The following KCNG3 variants were observed in gnomAD, a reference collection of about 807,000 sequenced individuals.
KCNG3 encodes the protein voltage-gated potassium channel regulatory subunit KCNG3.
Under a neutral mutation model 29.0 loss-of-function variants are expected in KCNG3, and 15 were observed. That is an observed-to-expected ratio of 0.52 (90% CI 0.35 to 0.80). The LOEUF (loss-of-function observed/expected upper bound fraction) is 0.80. KCNG3 is among the 30% of genes least tolerant of loss of function. The pLI, the probability that KCNG3 is intolerant of heterozygous loss-of-function variation, is 0.01. For missense variants in KCNG3, 512 were observed against 605.7 expected (o/e 0.85, Z 1.62); for synonymous variants, 322 against 248.9 (o/e 1.29, Z -2.76).
chr2:42,475,980 C>T (rs1673414460), intron 1 of KCNG3, among the ~76,000 whole-genome samples: 1 of 152,144 alleles, frequency 6.6e-6, no homozygotes. Flanking sequence ...GCAGGAGAAT[C>T]ACTTGAACCC....
At chr2:42,457,767 G>A (rs1672916032) in intron 1 of KCNG3, among the ~76,000 whole-genome samples, 1 of 150,938 alleles carries the variant, frequency 6.6e-6, no homozygotes, top group South Asian at 2.1e-4. Context: ...AGTGAGCTAT[G>A]ATCACACCAC....
In KCNG3 at chr2:42,444,093, C is replaced by A. The variant is rs747727381; in HGVS notation, c.1152G>T (p.Val384=). The A allele has an allele frequency of 1.2e-6, 2 of 1,614,028 alleles. No individual in the cohort carries two copies. The highest frequency in any genetic ancestry group is 1.7e-6 in the Non-Finnish European group (2 of 1,180,026). Residue 384 remains valine (V), a synonymous_variant, in exon 2 of 2, where the codon GTG becomes GTT. Transcript: ENST00000306078. This position sits in a 1 kb window ranked among gnomAD's most constrained non-coding sequence, Gnocchi z 5.8. ...AAACTCCTCCAAGAATTCTTCCAGG[C>A]ACTGTGATAGGATACATATCTCCAT... ...VGYGDMYPIT[V]PGRILGGVCV...
chr2:42,446,246 G>A (rs892825149), intron 1 of KCNG3, among the ~76,000 whole-genome samples: 10 of 150,200 alleles, frequency 6.7e-5, no homozygotes, highest in Non-Finnish European at 1.3e-4. Context: ...GCACAATCTC[G>A]GCTCACTGCA....
the KCNG3 span, among the ~76,000 whole-genome samples, chr2:42,427,067 CA>C: frequency 1.1e-4 from 17 of 152,174 alleles, no homozygotes; most frequent in Non-Finnish European, 2.5e-4. Context: ...CCGAGATTCT[CA>C]ATTCTAGAAA....
intron 1 of KCNG3, chr2:42,463,980 C>G (rs985868057): frequency 3.3e-6 from 1 of 306,736 alleles, no homozygotes; most frequent in African/African-American, 2.3e-5. Context: ...GATCAGCGTA[C>G]GTGGGAGGCT....
chr2:42,457,631 A>ACACACACG (rs1672910889), intron 1 of KCNG3, among the ~76,000 whole-genome samples: 1 of 135,718 alleles, frequency 7.4e-6, no homozygotes, highest in Non-Finnish European at 1.5e-5. Flanking sequence ...CAGATCTCAC[A>ACACACACG]CACACACACA....
intron 1 of KCNG3, among the ~76,000 whole-genome samples, chr2:42,490,205 T>A (rs1673837018): frequency 6.6e-6 from 1 of 152,182 alleles, no homozygotes; most frequent in South Asian, 2.1e-4. Flanking sequence ...TCCTTTTATC[T>A]TAAAAAATCT....
intron 1 of KCNG3, among the ~76,000 whole-genome samples, chr2:42,475,699 A>T (rs1312288809): frequency 4.6e-5 from 7 of 151,920 alleles, no homozygotes; most frequent in Non-Finnish European, 8.8e-5. Flanking sequence ...AAATTTTTTC[A>T]TCAAGTTACC....
the KCNG3 span, among the ~76,000 whole-genome samples, chr2:42,389,818 G>A: frequency 1.3e-5 from 2 of 152,190 alleles, no homozygotes; most frequent in African/African-American, 4.8e-5. Context: ...CATATTTTGT[G>A]TGGCATCACT....
the KCNG3 span, among the ~76,000 whole-genome samples, chr2:42,405,130 A>T: frequency 2.0e-5 from 3 of 152,254 alleles, no homozygotes; most frequent in African/African-American, 7.2e-5. Flanking sequence ...TAGTTAGGCA[A>T]ATGCCCTCGA....
At chr2:42,466,288 C>G (rs1208966772) in intron 1 of KCNG3, among the ~76,000 whole-genome samples, 15 of 152,096 alleles carry the variant, frequency 9.9e-5, no homozygotes, top group Admixed American at 9.8e-4. Flanking sequence ...TGCCTGTAAT[C>G]CTAGCTACTC....
the KCNG3 span, among the ~76,000 whole-genome samples, chr2:42,399,259 G>A: frequency 1.3e-5 from 2 of 151,818 alleles, no homozygotes; most frequent in South Asian, 2.1e-4. Context: ...ATCTTGCCCC[G>A]TTGGCCCAGG....
At chr2:42,487,464 T>C (rs553803294) in intron 1 of KCNG3, among the ~76,000 whole-genome samples, 3 of 151,526 alleles carry the variant, frequency 2.0e-5, no homozygotes, top group Non-Finnish European at 2.9e-5. Flanking sequence ...AAGAAAGTCA[T>C]TGACAAAACC....
chr2:42,436,139 C>T, the KCNG3 span, among the ~76,000 whole-genome samples: 4 of 152,122 alleles, frequency 2.6e-5, no homozygotes, highest in Admixed American at 6.5e-5. Context: ...ACACAAAAGG[C>T]CAGCCACATA....
intron 1 of KCNG3, among the ~76,000 whole-genome samples, chr2:42,479,748 C>T (rs899094955): frequency 6.6e-6 from 1 of 152,032 alleles, no homozygotes; most frequent in Non-Finnish European, 1.5e-5. Context: ...GGGTGACTCA[C>T]GCCTGTAATC....
At chr2:42,452,243 A>ATATATATATATATTTTTTTTTTTT in intron 1 of KCNG3, among the ~76,000 whole-genome samples, 1 of 95,066 alleles carries the variant, frequency 1.1e-5, no homozygotes, top group African/African-American at 3.9e-5. Context: ...ATATATATAT[A>ATATATATATATATTTTTTTTTTTT]TTTTTTTTTT....
At chr2:42,434,228 G>A in the KCNG3 span, among the ~76,000 whole-genome samples, 3 of 152,024 alleles carry the variant, frequency 2.0e-5, no homozygotes, top group Non-Finnish European at 2.9e-5. Context: ...AAGGTGTGAG[G>A]ATTGCTTGAG....
intron 1 of KCNG3, among the ~76,000 whole-genome samples, chr2:42,469,210 A>G (rs1017687104): frequency 7.9e-5 from 12 of 152,024 alleles, no homozygotes; most frequent in Middle Eastern, 3.2e-3. Context: ...CGAGGTCAGA[A>G]GGTGGAGACC....
chr2:42,432,241 A>T, the KCNG3 span, among the ~76,000 whole-genome samples: 1 of 152,136 alleles, frequency 6.6e-6, no homozygotes, highest in Non-Finnish European at 1.5e-5. Context: ...TTAAAATTCA[A>T]CAACAACAAC....
Sources: allele counts gnomAD v4.1 joint callset (sites outside exome capture counted in the v4.1 genomes callset), GRCh38; gene constraint gnomAD v4.1.1; non-coding constraint Gnocchi (gnomAD v3.1); transcripts MANE v1.5; gene names NCBI Gene and HGNC (gene_info 2026-07-23, HGNC 2026-07-21).